GPHN: variants seen among roughly 807,000 people sequenced by gnomAD.
The protein encoded by GPHN is gephyrin.
In GPHN, 17 loss-of-function variants were observed where a neutral mutation model predicts 95.5. The ratio of observed to expected loss-of-function variants is 0.18; its 90% CI spans 0.12 to 0.27. The LOEUF (loss-of-function observed/expected upper bound fraction) is 0.27. GPHN is among the 10% of genes least tolerant of loss of function. The probability of loss-of-function intolerance (pLI) is 1.00; values close to 1 mark genes in which losing one functional copy is unlikely to be tolerated. For synonymous variants in GPHN, 320 were observed against 322.5 expected, an observed-to-expected ratio of 0.99 and a Z score of 0.08; for missense variants, 660 against 978.1, an observed-to-expected ratio of 0.67 and a Z score of 4.34.
the GPHN span, among the ~76,000 whole-genome samples, chr14:67,398,915 A>T: frequency 2.0e-5 from 3 of 152,174 alleles, no homozygotes; most frequent in African/African-American, 7.2e-5. Context: ...TTTCTGTAAA[A>T]CATATTTTTA....
the GPHN span, among the ~76,000 whole-genome samples, chr14:67,354,391 T>C: frequency 1.3e-5 from 2 of 152,366 alleles, no homozygotes; most frequent in African/African-American, 4.8e-5. Flanking sequence ...TTTAAAAATC[T>C]ATCCACTAAT....
At chr14:67,191,903 C>T in the GPHN span, among the ~76,000 whole-genome samples, 1 of 152,238 alleles carries the variant, frequency 6.6e-6, no homozygotes, top group African/African-American at 2.4e-5. Context: ...TACTGTAATT[C>T]TGCAGAAACG....
chr14:67,142,191 C>A (rs72715396), intron 17 of GPHN, among the ~76,000 whole-genome samples: 10,030 of 152,156 alleles, frequency 0.066, 349 homozygotes, highest in Middle Eastern at 0.085. Context: ...ATTTTTCAGA[C>A]AACAAGAGTA....
chr14:67,193,330 CTATATAGA>C, the GPHN span, among the ~76,000 whole-genome samples: 1 of 135,246 alleles, frequency 7.4e-6, no homozygotes, highest in East Asian at 2.2e-4. Flanking sequence ...CTATATATCT[CTATATAGA>C]TATCTATCTA....
At chr14:67,562,030 T>C in the GPHN span, 2 of 1,613,666 alleles carry the variant, frequency 1.2e-6, no homozygotes, top group Non-Finnish European at 1.7e-6. Flanking sequence ...CAAGATGCGC[T>C]AGAAGGTAGG....
At chr14:67,236,389 AG>A in the GPHN span, among the ~76,000 whole-genome samples, 1,327 of 152,064 alleles carry the variant, frequency 8.7e-3, 20 homozygotes, top group African/African-American at 0.029. Context: ...TCTTTCTTTG[AG>A]TCTAGCACAC....
intron 1 of GPHN, among the ~76,000 whole-genome samples, chr14:66,648,827 A>G (rs1007448406): frequency 6.6e-5 from 10 of 152,220 alleles, no homozygotes; most frequent in Non-Finnish European, 1.3e-4. Context: ...ACAAAGTCTC[A>G]TAATTTTAGT....
At chr14:67,598,794 C>G in the GPHN span, among the ~76,000 whole-genome samples, 26 of 151,500 alleles carry the variant, frequency 1.7e-4, no homozygotes, top group Middle Eastern at 6.8e-3. Flanking sequence ...ACTGCTACCT[C>G]CACCTCCCAG....
chr14:67,183,034 G>A (rs2083345242), downstream of GPHN, among the ~76,000 whole-genome samples: 1 of 151,686 alleles, frequency 6.6e-6, no homozygotes. Context: ...CTTGAAGGAA[G>A]GTAGAATTTT....
At chr14:66,904,611 C>A (rs1346192247) in intron 5 of GPHN, among the ~76,000 whole-genome samples, 1 of 152,148 alleles carries the variant, frequency 6.6e-6, no homozygotes, top group Non-Finnish European at 1.5e-5. Flanking sequence ...CTGGCTTCAC[C>A]TCTCAATGCC....
chr14:66,804,968 G>T (rs1595959089), intron 3 of GPHN, among the ~76,000 whole-genome samples: 1 of 152,278 alleles, frequency 6.6e-6, no homozygotes, highest in East Asian at 1.9e-4. Flanking sequence ...TGCTCTGTGT[G>T]TCAGGCACTG....
the GPHN span, chr14:67,647,014 G>A: frequency 1.9e-6 from 3 of 1,608,716 alleles, no homozygotes; most frequent in East Asian, 6.7e-5. Flanking sequence ...CATTTGATCT[G>A]CTGATTGGCA....
At chr14:66,734,026 A>G (rs1394639378) in intron 2 of GPHN, among the ~76,000 whole-genome samples, 1 of 152,142 alleles carries the variant, frequency 6.6e-6, no homozygotes, top group Non-Finnish European at 1.5e-5. Flanking sequence ...TATATTATCT[A>G]TTCTACCATC....
At chr14:67,295,925 G>C in the GPHN span, among the ~76,000 whole-genome samples, 1 of 152,112 alleles carries the variant, frequency 6.6e-6, no homozygotes, top group Admixed American at 6.5e-5. Flanking sequence ...ATAGCAACCA[G>C]ATAATAGAAA....
At chr14:67,186,810 A>T in the GPHN span, among the ~76,000 whole-genome samples, 1 of 152,164 alleles carries the variant, frequency 6.6e-6, no homozygotes, top group Non-Finnish European at 1.5e-5. Flanking sequence ...CTGGAGAGAG[A>T]AATGTAGTTT....
At chr14:67,398,615 C>A in the GPHN span, among the ~76,000 whole-genome samples, 2 of 149,028 alleles carry the variant, frequency 1.3e-5, no homozygotes, top group African/African-American at 4.9e-5. Flanking sequence ...ATTCCTGCCA[C>A]CTGAGAACCA....
intron 2 of GPHN, among the ~76,000 whole-genome samples, chr14:66,705,580 A>G (rs1259936867): frequency 6.6e-6 from 1 of 152,244 alleles, no homozygotes; most frequent in Non-Finnish European, 1.5e-5. Flanking sequence ...AATTATCTGA[A>G]TAGATGCAGA....
chr14:67,423,854 G>C, the GPHN span, among the ~76,000 whole-genome samples: 5 of 152,202 alleles, frequency 3.3e-5, no homozygotes, highest in African/African-American at 4.8e-5. Context: ...TGGAATAGTT[G>C]GAGGAACGAA....
chr14:67,662,105 G>A, the GPHN span, among the ~76,000 whole-genome samples: 7 of 151,702 alleles, frequency 4.6e-5, no homozygotes, highest in Admixed American at 3.3e-4. Flanking sequence ...GCAGTGAGCC[G>A]AGACTGTGCC....
Sources: allele counts gnomAD v4.1 joint callset (sites outside exome capture counted in the v4.1 genomes callset), GRCh38; gene constraint gnomAD v4.1.1; transcripts MANE v1.5; gene names NCBI Gene and HGNC (gene_info 2026-07-23, HGNC 2026-07-21).